SLC35F4: variants seen among roughly 807,000 people sequenced by gnomAD.
The protein encoded by SLC35F4 is chromosome 14 open reading frame 36.
Under a neutral mutation model 44.2 loss-of-function variants are expected in SLC35F4, and 24 were observed. The observed-to-expected ratio is 0.54, with a 90% CI of 0.39 to 0.76. The LOEUF (loss-of-function observed/expected upper bound fraction) is 0.76, where lower values mean the gene tolerates loss of function less well. SLC35F4 is among the 30% of genes least tolerant of loss of function. The pLI is 0.00. For missense variants in SLC35F4, 562 were observed against 586.1 expected, an observed-to-expected ratio of 0.96 and a Z score of 0.42; for synonymous variants, 238 against 223.6, an observed-to-expected ratio of 1.06 and a Z score of -0.57.
intron 1 of SLC35F4, among the ~76,000 whole-genome samples, chr14:57,864,492 G>A (rs1212118657): frequency 6.6e-6 from 1 of 152,214 alleles, no homozygotes; most frequent in Admixed American, 6.5e-5. Flanking sequence ...ATATCTGTGT[G>A]AGAACAGCCC....
chr14:57,865,339 G>A (rs1247441616), intron 1 of SLC35F4, among the ~76,000 whole-genome samples: 1 of 151,614 alleles, frequency 6.6e-6, no homozygotes, highest in Non-Finnish European at 1.5e-5. Flanking sequence ...AGGGGCTTTC[G>A]GGGCATGTAT....
At chr14:57,809,147 T>G (rs903620281) in intron 1 of SLC35F4, among the ~76,000 whole-genome samples, 17 of 152,194 alleles carry the variant, frequency 1.1e-4, no homozygotes, top group African/African-American at 3.6e-4. Context: ...TTACAGTTCT[T>G]GGCTCTACCA....
intron 1 of SLC35F4, among the ~76,000 whole-genome samples, chr14:57,672,659 T>G (rs975101447): frequency 6.6e-5 from 10 of 152,126 alleles, no homozygotes; most frequent in Non-Finnish European, 5.9e-5. Flanking sequence ...CAAATCTACT[T>G]AAGAGAACTT....
intron 1 of SLC35F4, among the ~76,000 whole-genome samples, chr14:57,838,639 A>G (rs764485): frequency 0.22 from 33,600 of 152,130 alleles, 6,622 homozygotes; most frequent in African/African-American, 0.51. Context: ...AAGAGACATG[A>G]CAGTTCAGTC....
chr14:57,841,726 T>C (rs1885501510), intron 1 of SLC35F4, among the ~76,000 whole-genome samples: 1 of 152,022 alleles, frequency 6.6e-6, no homozygotes, highest in Non-Finnish European at 1.5e-5. Flanking sequence ...AGATTATAAA[T>C]CTACAGAAAC....
chr14:57,651,967 C>T (rs571167614), intron 1 of SLC35F4, among the ~76,000 whole-genome samples: 44 of 152,186 alleles, frequency 2.9e-4, no homozygotes, highest in African/African-American at 1.0e-3. Context: ...CCAGCCTCTT[C>T]AGCTTAAGGG....
At chr14:57,618,559 C>T (rs951198741) in intron 1 of SLC35F4, among the ~76,000 whole-genome samples, 2 of 152,216 alleles carry the variant, frequency 1.3e-5, no homozygotes, top group East Asian at 3.8e-4. Flanking sequence ...AGGAGATTCC[C>T]TCCAGTGCCT....
chr14:57,833,846 A>T (rs1025308513), intron 1 of SLC35F4, among the ~76,000 whole-genome samples: 2 of 152,246 alleles, frequency 1.3e-5, no homozygotes, highest in African/African-American at 4.8e-5. Context: ...CTTTATGAAG[A>T]CTAGCTTCAC....
intron 1 of SLC35F4, among the ~76,000 whole-genome samples, chr14:57,750,732 TTTGTTGTTG>T (rs143731317): frequency 7.2e-5 from 11 of 151,946 alleles, no homozygotes; most frequent in Admixed American, 2.6e-4. Flanking sequence ...ATTATTTGGG[TTTGTTGTTG>T]TTGTTGTTGT....
At chr14:57,752,793 T>C (rs895657475) in intron 1 of SLC35F4, among the ~76,000 whole-genome samples, 12 of 152,224 alleles carry the variant, frequency 7.9e-5, no homozygotes, top group African/African-American at 2.9e-4. Context: ...GCCAAAATGG[T>C]CTTCACCCAT....
intron 1 of SLC35F4, among the ~76,000 whole-genome samples, chr14:57,980,402 C>T (rs989281489): frequency 1.3e-5 from 2 of 152,158 alleles, no homozygotes; most frequent in African/African-American, 4.8e-5. Flanking sequence ...GAAAAATGTT[C>T]TGGTGGGGTC....
chr14:57,735,815 T>G (rs2076450229), intron 1 of SLC35F4, among the ~76,000 whole-genome samples: 3 of 151,832 alleles, frequency 2.0e-5, no homozygotes, highest in African/African-American at 4.8e-5. Context: ...CTCAAACTCC[T>G]GGGCTCAAGC....
At chr14:57,775,327 C>A (rs2140708223) in intron 1 of SLC35F4, among the ~76,000 whole-genome samples, 1 of 152,342 alleles carries the variant, frequency 6.6e-6, no homozygotes, top group South Asian at 2.1e-4. Context: ...CTGCTGCTGG[C>A]ACCTGTAAAC....
chr14:57,767,237 T>C (rs2077257080), intron 1 of SLC35F4, among the ~76,000 whole-genome samples: 1 of 152,192 alleles, frequency 6.6e-6, no homozygotes, highest in Non-Finnish European at 1.5e-5. Flanking sequence ...ACAAATATGA[T>C]CTAATTGGCA....
At chr14:57,887,075 G>T (rs1395017959) in intron 1 of SLC35F4, among the ~76,000 whole-genome samples, 1 of 152,190 alleles carries the variant, frequency 6.6e-6, no homozygotes, top group Non-Finnish European at 1.5e-5. Flanking sequence ...GAGGCCTTCA[G>T]TTAAGAAATC....
At chr14:57,652,970 T>G (rs2073839383) in intron 1 of SLC35F4, among the ~76,000 whole-genome samples, 1 of 152,214 alleles carries the variant, frequency 6.6e-6, no homozygotes. Flanking sequence ...GTAGCATGGA[T>G]GATTCTGTTT....
At chr14:57,676,484 G>C (rs1371494831) in intron 1 of SLC35F4, among the ~76,000 whole-genome samples, 2 of 152,064 alleles carry the variant, frequency 1.3e-5, no homozygotes, top group African/African-American at 4.8e-5. Context: ...TTAATACCTA[G>C]GTGATGGGTT....
intron 1 of SLC35F4, among the ~76,000 whole-genome samples, chr14:57,707,531 G>T (rs186456766): frequency 6.6e-6 from 1 of 152,104 alleles, no homozygotes; most frequent in South Asian, 2.1e-4. Flanking sequence ...CTTCCCAGCC[G>T]TGAAGAACTA....
chr14:57,841,777 G>A (rs538911952), intron 1 of SLC35F4, among the ~76,000 whole-genome samples: 3 of 152,192 alleles, frequency 2.0e-5, no homozygotes, highest in South Asian at 2.1e-4. Flanking sequence ...AACACATTGT[G>A]CAAGATATCG....
Sources: allele counts gnomAD v4.1 joint callset (sites outside exome capture counted in the v4.1 genomes callset), GRCh38; gene constraint gnomAD v4.1.1; transcripts MANE v1.5; gene names NCBI Gene and HGNC (gene_info 2026-07-23, HGNC 2026-07-21).